CSMD1: variants seen among roughly 807,000 people sequenced by gnomAD.
CSMD1 encodes CUB and sushi domain-containing protein 1.
Under a neutral mutation model 417.5 loss-of-function variants are expected in CSMD1, and 213 were observed. The observed-to-expected ratio is 0.51, with a 90% CI of 0.46 to 0.57. The LOEUF (loss-of-function observed/expected upper bound fraction) is 0.57, where lower values mean the gene tolerates loss of function less well. Among genes scored for constraint, CSMD1 ranks in the 20% least tolerant of loss-of-function variants. The pLI, the probability that CSMD1 is intolerant of heterozygous loss-of-function variation, is 0.00. For synonymous variants in CSMD1, 2,862 were observed against 1,736.8 expected (o/e 1.65, Z -16.11); for missense variants, 6,923 against 4,529.7 (o/e 1.53, Z -15.17).
intron 7 of CSMD1, among the ~76,000 whole-genome samples, chr8:3,703,562 G>T (rs1800995274): frequency 6.6e-6 from 1 of 152,082 alleles, no homozygotes. Flanking sequence ...GGTCATGGAT[G>T]GGAAAACCCC....
intron 2 of CSMD1, among the ~76,000 whole-genome samples, chr8:4,470,311 G>C (rs930004994): frequency 6.6e-6 from 1 of 152,102 alleles, no homozygotes; most frequent in Admixed American, 6.6e-5. Context: ...TTTATTTCAT[G>C]CTAGTTTCTA....
chr8:4,405,969 T>G (rs1000604928), intron 3 of CSMD1, among the ~76,000 whole-genome samples: 20 of 152,356 alleles, frequency 1.3e-4, no homozygotes, highest in African/African-American at 4.8e-4. Context: ...TCTGCTCGCC[T>G]GTCCTGTAAC....
chr8:3,213,822 G>A (rs1420002822), intron 30 of CSMD1, among the ~76,000 whole-genome samples: 1 of 149,094 alleles, frequency 6.7e-6, no homozygotes, highest in Non-Finnish European at 1.5e-5. Context: ...ATATATATGT[G>A]TGTCTGTGTA....
At chr8:3,807,119 G>A (rs1415618683) in intron 5 of CSMD1, among the ~76,000 whole-genome samples, 1 of 152,028 alleles carries the variant, frequency 6.6e-6, no homozygotes, top group Non-Finnish European at 1.5e-5. Context: ...GACTTTAATA[G>A]GGCACATTTC....
At chr8:3,806,405 G>A (rs1296583960) in intron 5 of CSMD1, among the ~76,000 whole-genome samples, 1 of 152,184 alleles carries the variant, frequency 6.6e-6, no homozygotes, top group Non-Finnish European at 1.5e-5. Flanking sequence ...AAGCGTGTGT[G>A]AAGCCCTCAA....
chr8:4,765,580 C>T (rs554342259), intron 1 of CSMD1, among the ~76,000 whole-genome samples: 30 of 152,250 alleles, frequency 2.0e-4, no homozygotes, highest in Middle Eastern at 6.8e-3. Flanking sequence ...GAGATATGGA[C>T]AATGCTATCA....
At chr8:3,914,396 G>C (rs1263829215) in intron 5 of CSMD1, among the ~76,000 whole-genome samples, 1 of 152,104 alleles carries the variant, frequency 6.6e-6, no homozygotes, top group African/African-American at 2.4e-5. Context: ...TACAGATAAA[G>C]ATGTTTGGTG....
chr8:3,447,279 T>C (rs766355886), intron 12 of CSMD1, among the ~76,000 whole-genome samples: 5 of 152,056 alleles, frequency 3.3e-5, no homozygotes, highest in African/African-American at 4.8e-5. Context: ...ACAATTTCAA[T>C]AGAATTAAAT....
intron 23 of CSMD1, among the ~76,000 whole-genome samples, chr8:3,326,777 T>C (rs1275889136): frequency 2.6e-5 from 4 of 152,242 alleles, no homozygotes; most frequent in Admixed American, 2.6e-4. Flanking sequence ...CTGAAAATCA[T>C]TCTATTGAAG....
intron 11 of CSMD1, among the ~76,000 whole-genome samples, chr8:3,469,776 A>G (rs1031012885): frequency 2.0e-5 from 3 of 152,194 alleles, no homozygotes; most frequent in African/African-American, 2.4e-5. Flanking sequence ...CTTCAAAGGA[A>G]GAAGAACAAC....
At chr8:3,902,770 G>A (rs59005719) in intron 5 of CSMD1, among the ~76,000 whole-genome samples, 1 of 152,006 alleles carries the variant, frequency 6.6e-6, no homozygotes, top group Non-Finnish European at 1.5e-5. Context: ...GTATCAAATA[G>A]AGTAGAGCTG....
At chr8:4,167,213 G>C (rs1183824895) in intron 3 of CSMD1, among the ~76,000 whole-genome samples, 1 of 152,086 alleles carries the variant, frequency 6.6e-6, no homozygotes, top group Admixed American at 6.5e-5. Context: ...TTTTAACTTG[G>C]AAAATCCTGA....
intron 5 of CSMD1, among the ~76,000 whole-genome samples, chr8:3,756,505 G>C (rs1177728380): frequency 6.6e-6 from 1 of 152,008 alleles, no homozygotes; most frequent in Non-Finnish European, 1.5e-5. Flanking sequence ...AAGCACAGAA[G>C]CAAGCCTACC....
chr8:3,717,851 T>C lies in CSMD1; in HGVS notation c.932-9360A>G, dbSNP rs1382274709. ...AATTAGTTTTTCTCACTTACTACAA[T>C]TGTACATTACACCAATCACCTATCA... On this transcript the variant is annotated intron_variant, in intron 6 of 69. Transcript: ENST00000635120. Among the ~76,000 whole-genome samples the C allele has an allele frequency of 2.6e-5, 4 of 152,156 alleles. No homozygotes were observed. In the East Asian group the frequency reaches 5.8e-4, roughly 22 times the overall value.
At chr8:4,942,776 T>C (rs1324776773) in intron 1 of CSMD1, among the ~76,000 whole-genome samples, 1 of 152,194 alleles carries the variant, frequency 6.6e-6, no homozygotes, top group Non-Finnish European at 1.5e-5. Flanking sequence ...ACACAGATGA[T>C]GTAGCTAGGG....
At chr8:4,699,019 C>G (rs1030949990) in intron 1 of CSMD1, among the ~76,000 whole-genome samples, 3 of 151,794 alleles carry the variant, frequency 2.0e-5, no homozygotes, top group African/African-American at 7.3e-5. Context: ...ACTATCTATG[C>G]CTTTCATTAA....
chr8:2,966,341 G>A (rs1378107512), intron 58 of CSMD1, among the ~76,000 whole-genome samples: 7 of 152,104 alleles, frequency 4.6e-5, no homozygotes, highest in Admixed American at 4.6e-4. Context: ...ATTTTACAAT[G>A]TTTGACTGAA....
chr8:3,326,837 T>A (rs1025423787), intron 23 of CSMD1, among the ~76,000 whole-genome samples: 1 of 152,176 alleles, frequency 6.6e-6, no homozygotes, highest in Admixed American at 6.5e-5. Context: ...AAAATGCCTT[T>A]TCAGGATTCT....
At chr8:2,946,572 T>C (rs1308865073) in intron 68 of CSMD1, among the ~76,000 whole-genome samples, 6 of 152,222 alleles carry the variant, frequency 3.9e-5, no homozygotes, top group Non-Finnish European at 2.9e-5. Context: ...TTCAATACTT[T>C]ATTCTTCTTC....
Sources: gnomAD v4.1 joint callset for allele counts (sites outside exome capture counted in the v4.1 genomes callset) on GRCh38, gnomAD v4.1.1 for gene constraint, MANE v1.5 for transcripts, NCBI Gene and HGNC (gene_info 2026-07-23, HGNC 2026-07-21) for gene names.